Variants in PPFIA3 observed in about 807,000 individuals in gnomAD.
PPFIA3 encodes the protein PPFI scaffold protein A3.
In PPFIA3, 26 loss-of-function variants were observed where a neutral mutation model predicts 145.8. The observed-to-expected ratio is 0.18, with a 90% confidence interval of 0.13 to 0.25. PPFIA3 has a LOEUF of 0.25. Ranked by LOEUF, PPFIA3 falls within the 10% of genes least tolerant of loss-of-function variation. The pLI, the probability that PPFIA3 is intolerant of heterozygous loss-of-function variation, is 1.00. For synonymous variants in PPFIA3, 645 were observed against 661.4 expected (o/e 0.98, Z 0.38); for missense variants, 1,008 against 1,587.8 (o/e 0.63, Z 6.21).
chr19:49,138,547 T>A, intron 16 of PPFIA3, 120 bp downstream of exon 16: 1 of 841,942 alleles, frequency 1.2e-6, no homozygotes, highest in Non-Finnish European at 1.6e-6. Context: ...CAACCTCAGC[T>A]TTCCCTAAAG....
intron 16 of PPFIA3, 68 bp from the exon 17 acceptor site, chr19:49,139,600 T>G: frequency 6.8e-7 from 1 of 1,478,716 alleles, no homozygotes; most frequent in Admixed American, 2.2e-5. Flanking sequence ...AGTAGACATC[T>G]CAGTTAATAA....
chr19:49,120,003 C>G lies in PPFIA3; in HGVS notation c.-16+281C>G, dbSNP rs1315040739. Among the ~76,000 whole-genome samples, 2 of 151,978 alleles carry G rather than the reference C, an allele frequency of 1.3e-5. No individual in the cohort carries two copies. Among genetic ancestry groups the G allele is most frequent in the Non-Finnish European group, 2.9e-5 (2 of 67,926 alleles). ...CCGGGACCCCTCCTAGAGCCTAGATCCCCCTTCCTGACCCTGTCCTGGGAG... is the reference window on the plus strand; with the variant it reads ...CCGGGACCCCTCCTAGAGCCTAGATGCCCCTTCCTGACCCTGTCCTGGGAG... On this transcript the variant is annotated intron_variant, in intron 1 of 29. Transcript: ENST00000334186. The surrounding 1 kb of genome is among the most constrained non-coding windows in gnomAD (Gnocchi z 4.6).
Position 49,145,984 on chromosome 19 carries a change from C to T in PPFIA3, c.2787C>T (p.Ser929=), listed in dbSNP as rs970923518. Residue 929 remains serine (S), a synonymous_variant, in exon 22 of 30, where the codon TCC becomes TCT. Transcript: ENST00000334186. ...GGATGACACACGAGGAGATGGAGTC[C>T]CTTACGGCCACGACCAAGCCCGTGA... is the stretch of plus-strand genomic sequence containing the variant. The part of the protein sequence containing the change: ...NVWMTHEEME[S]LTATTKPETK... 1 of 1,613,966 alleles carries T rather than the reference C, an allele frequency of 6.2e-7. No homozygotes were observed. Among genetic ancestry groups the T allele is most frequent in the African/African-American group, 1.3e-5 (1 of 74,854 alleles).
In PPFIA3 at chr19:49,150,108, C is replaced by G. The variant is rs1349661649; in HGVS notation, c.3555C>G (p.Asp1185Glu). ...AGACTTCTGGGAGTTCCCGGGCAGA[C>G]GGCGTTTCGGTCCGGACCTATTCCT... ...EGQTSGSSRA[D>E]GVSVRTYSC Residue 1185 changes from aspartate to glutamate, a missense_variant, in exon 29 of 30, where the codon GAC becomes GAG. Asp to Glu is a conservative substitution (Grantham distance 45). Around this residue, in one of 11 missense-constraint regions of PPFIA3, gnomAD observed 125 missense variants for 159.3 expected, o/e 0.78. Transcript: ENST00000334186. 3 of 1,610,922 alleles carry G rather than the reference C, an allele frequency of 1.9e-6. No homozygotes were observed. The East Asian group carries it at 6.7e-5, about 36-fold the overall frequency.
chr19:49,149,691 C>T lies in PPFIA3; in HGVS notation c.3499C>T (p.Leu1167Phe), dbSNP rs1029009596. The T allele has an allele frequency of 6.2e-7, 1 of 1,612,566 alleles. No individual in the cohort carries two copies. Among genetic ancestry groups the T allele is most frequent in the Non-Finnish European group, 8.5e-7 (1 of 1,179,272 alleles). The change falls in exon 28 of 30, where the codon CTC (leucine) becomes TTC (phenylalanine). Residue 1167 changes from leucine (L) to phenylalanine (F), a missense_variant. Leu to Phe is a conservative substitution (Grantham distance 22, BLOSUM62 0). This residue lies in a region of PPFIA3 where 125 missense variants were observed against 159.3 expected (regional missense o/e 0.78). Transcript: ENST00000334186. The surrounding 1 kb of genome is among the most constrained non-coding windows in gnomAD (Gnocchi z 5.7). ...AGCGGGAGCCCTGGGCTCTCCGGGG[C>T]TCCCTCTCCGCAAGCTGCAGCCAGA... is the stretch of plus-strand genomic sequence containing the variant. ...AAAGALGSPGLPLRKLQPEGQ... is the reference protein window; with the variant it reads ...AAAGALGSPGFPLRKLQPEGQ...
chr19:49,122,078 A>ATTTTTTT, intron 1 of PPFIA3, among the ~76,000 whole-genome samples: 1 of 131,802 alleles, frequency 7.6e-6, no homozygotes, highest in African/African-American at 2.9e-5. Context: ...CCAGATGCCA[A>ATTTTTTT]TTTTTTTTTT....
chr19:49,128,564 T>C lies in PPFIA3; in HGVS notation c.342+96T>C. The C allele has an allele frequency of 8.4e-7, 1 of 1,188,134 alleles. No individual in the cohort carries two copies. The highest frequency in any genetic ancestry group is 1.5e-5 in the African/African-American group (1 of 66,484). The allele number at this position is 1,188,134 out of a possible 1,614,324, so 73.6% of individuals were successfully genotyped here. A position where few individuals can be genotyped will look rare whatever the true frequency, so the allele number is the denominator to read the frequency against. On this transcript the variant is annotated intron_variant, in intron 3 of 29. Transcript: ENST00000334186. This position sits in a 1 kb window ranked among gnomAD's most constrained non-coding sequence, Gnocchi z 4.1. ...CTCAGTGTTGCAGCGTGACCTATTT[T>C]TTTCCCCCATCTCGCCTTTCTGTCT... is the stretch of plus-strand genomic sequence containing the variant.
Position 49,130,385 on chromosome 19 carries a change from C to G in PPFIA3, c.665C>G (p.Ala222Gly), listed in dbSNP as rs1371861546. 6.2e-7 allele frequency: 1 copy of G among 1,605,066 alleles called. No individual in the cohort carries two copies. Reference protein sequence around the residue: ...PGKDGDGQTLANGLGPGGDSN... With the variant: ...PGKDGDGQTLGNGLGPGGDSN... ...CTCCTTCCCTCACTCCAGACTCTTG[C>G]CAATGGCCTGGGTCCTGGCGGGGAT... The change falls in exon 7 of 30, where the codon GCC (alanine) becomes GGC (glycine). Residue 222 changes from alanine (A) to glycine (G), a missense_variant. Ala to Gly is a moderately conservative substitution (Grantham distance 60). Coordinates refer to ENST00000334186, the MANE Select transcript of PPFIA3 (RefSeq NM_003660.4). This position sits in a 1 kb window ranked among gnomAD's most constrained non-coding sequence, Gnocchi z 4.5.
At chr19:49,137,973 A>G (rs2387769) in intron 15 of PPFIA3, among the ~76,000 whole-genome samples, 133,279 of 152,074 alleles carry the variant, frequency 0.88, 59,147 homozygotes, top group African/African-American at 0.97. Context: ...TACAAACCCC[A>G]ATCACCTTGA....
At position 49,130,209 on chromosome 19, in the gene PPFIA3, A is replaced by G; in HGVS notation, c.657+142A>G. 2.6e-6 allele frequency: 3 copies of G among 1,159,236 alleles called. 1 individual carries two copies. In the South Asian group the frequency reaches 4.7e-5, roughly 18 times the overall value. 71.8% of individuals were successfully genotyped at this position (1,159,236 alleles called of 1,614,324 possible). ...GTCACAGAGCTTGGACCTCTGATTC[A>G]GGTCACCTAGCGAACTTCTGTGACC... On this transcript the variant is annotated intron_variant, in intron 6 of 29. Coordinates refer to ENST00000334186, the MANE Select transcript of PPFIA3 (RefSeq NM_003660.4). The surrounding 1 kb of genome is among the most constrained non-coding windows in gnomAD (Gnocchi z 4.5).
At chr19:49,140,139 CCCTCCCTT>C (rs1162509466) in intron 18 of PPFIA3, 51 bp downstream of exon 18, 1 of 1,573,568 alleles carries the variant, frequency 6.4e-7, no homozygotes, top group Non-Finnish European at 8.7e-7. Flanking sequence ...CTCCCTTCCT[CCCTCCCTT>C]TCTTTCTTCT....
At position 49,150,294 on chromosome 19, in the gene PPFIA3, G is replaced by A. The variant is rs1307580911; in HGVS notation, c.*72G>A. The A allele has an allele frequency of 1.2e-6, 1 of 802,318 alleles. No individual in the cohort carries two copies. Among genetic ancestry groups the A allele is most frequent in the Non-Finnish European group, 1.9e-6 (1 of 519,676 alleles). 49.7% of individuals were successfully genotyped at this position (802,318 alleles called of 1,614,324 possible). On this transcript the variant is annotated 3_prime_UTR_variant, in exon 30 of 30. Transcript: ENST00000334186. ...GCTGGGCTGTTCCCTCTCCTGCCCG[G>A]ACTGTGGCCTCGCCGGGGAGAGCGG...
At position 49,130,534 on chromosome 19, in the gene PPFIA3, A is replaced by G. The variant is rs370962839; in HGVS notation, c.814A>G (p.Thr272Ala). 3 of 1,581,700 alleles carry G rather than the reference A, an allele frequency of 1.9e-6. No homozygotes were observed. In the African/African-American group the frequency reaches 4.0e-5, roughly 21 times the overall value. Residue 272 changes from threonine (T) to alanine (A), a missense_variant, in exon 7 of 30, where the codon ACC becomes GCC. Around this residue, in one of 11 missense-constraint regions of PPFIA3, gnomAD observed 136 missense variants for 160.7 expected, o/e 0.85. Coordinates refer to ENST00000334186, the MANE Select transcript of PPFIA3 (RefSeq NM_003660.4). This position sits in a 1 kb window ranked among gnomAD's most constrained non-coding sequence, Gnocchi z 4.5. ...QMSQLEEELG[T>A]AHRELGKAEE... ...GAGCCAGCTGGAGGAGGAGTTGGGCACCGCGCACCGTGAGCTGGGCAAGGC... is the reference window on the plus strand; with the variant it reads ...GAGCCAGCTGGAGGAGGAGTTGGGCGCCGCGCACCGTGAGCTGGGCAAGGC...
At chr19:49,145,822 C>A in intron 21 of PPFIA3, 121 bp from the exon 22 acceptor site, 1 of 832,700 alleles carries the variant, frequency 1.2e-6, no homozygotes, top group Non-Finnish European at 2.1e-6. Context: ...TCTGTTACTG[C>A]TTGCCCCAGA....
At chr19:49,146,261 G>C in intron 23 of PPFIA3, 69 bp downstream of exon 23, 6 of 1,557,816 alleles carry the variant, frequency 3.9e-6, no homozygotes, top group Non-Finnish European at 5.2e-6. Context: ...CCCCTCCTCC[G>C]AGCCCTGCCC....
intron 7 of PPFIA3, among the ~76,000 whole-genome samples, chr19:49,131,547 G>A (rs961399354): frequency 6.6e-6 from 1 of 151,892 alleles, no homozygotes; most frequent in African/African-American, 2.4e-5. Flanking sequence ...CCTAATCCCA[G>A]TGACCCCAGG....
chr19:49,126,970 C>G (rs2041006255), intron 1 of PPFIA3, among the ~76,000 whole-genome samples: 1 of 151,482 alleles, frequency 6.6e-6, no homozygotes, highest in Non-Finnish European at 1.5e-5. Flanking sequence ...ATCCTCTCAC[C>G]CAGGTAGCCA....
At chr19:49,131,696 C>T (rs1297720381) in intron 7 of PPFIA3, among the ~76,000 whole-genome samples, 1 of 151,616 alleles carries the variant, frequency 6.6e-6, no homozygotes, top group African/African-American at 2.4e-5. Flanking sequence ...GTGGTGGGTG[C>T]CTTTAGTCCC....
intron 18 of PPFIA3, 105 bp downstream of exon 18, chr19:49,140,193 T>C (rs1232000744): frequency 7.4e-7 from 1 of 1,347,022 alleles, no homozygotes; most frequent in Admixed American, 2.3e-5. Context: ...ATGTCTTCAT[T>C]CATTTGGTGA....
Sources: allele counts gnomAD v4.1 joint callset (sites outside exome capture counted in the v4.1 genomes callset), GRCh38; gene constraint gnomAD v4.1.1; regional missense constraint gnomAD v4.1.1; non-coding constraint Gnocchi (gnomAD v3.1); transcripts MANE v1.5; gene names NCBI Gene and HGNC (gene_info 2026-07-23, HGNC 2026-07-21).